Variants in BANK1 observed in about 807,000 individuals in gnomAD.
BANK1 encodes the protein B cell scaffold protein with ankyrin repeats 1, also known as B-cell scaffold protein with ankyrin repeats.
Under a neutral mutation model 94.5 loss-of-function variants are expected in BANK1, and 95 were observed. The observed-to-expected ratio is 1.00, with a 90% CI of 0.85 to 1.19. BANK1 has a LOEUF of 1.19. Among genes scored for constraint, BANK1 ranks in the 50% most tolerant of loss-of-function variants. BANK1 has a pLI of 0.00. For synonymous variants in BANK1, 334 were observed against 308.4 expected (o/e 1.08, Z -0.87); for missense variants, 987 against 932.2 (o/e 1.06, Z -0.77).
intron 7 of BANK1, among the ~76,000 whole-genome samples, chr4:102,010,928 G>A (rs912785187): frequency 1.3e-5 from 2 of 152,142 alleles, no homozygotes; most frequent in Non-Finnish European, 2.9e-5. Context: ...AGTAGAGTAT[G>A]ATAAGAAACT....
At chr4:102,007,122 TTA>T (rs199665393) in intron 7 of BANK1, among the ~76,000 whole-genome samples, 50,731 of 86,524 alleles carry the variant, frequency 0.59, 14,513 homozygotes, top group Non-Finnish European at 0.66. Context: ...AATATATATT[TTA>T]TATATATATA....
chr4:102,026,432 G>T (rs1476802878), intron 9 of BANK1, among the ~76,000 whole-genome samples: 1 of 151,716 alleles, frequency 6.6e-6, no homozygotes, highest in African/African-American at 2.4e-5. Context: ...GTCCTAGAAG[G>T]CTACAAACCC....
Position 101,790,858 on chromosome 4 carries a change from G to C in BANK1, c.-23G>C. ...GCGCTCGGCGGGCAGCAGTGCGCAG[G>C]CCCCTCGGCTTCAACCGCCACAATG... On this transcript the variant is annotated 5_prime_UTR_variant, in exon 1 of 17. Transcript: ENST00000322953. The C allele has an allele frequency of 6.5e-7, 1 of 1,536,110 alleles. No homozygotes were observed. Among genetic ancestry groups the C allele is most frequent in the East Asian group, 2.5e-5 (1 of 40,732 alleles).
At chr4:101,923,345 T>G (rs2148902237) in intron 7 of BANK1, among the ~76,000 whole-genome samples, 1 of 151,916 alleles carries the variant, frequency 6.6e-6, no homozygotes, top group East Asian at 1.9e-4. Context: ...TTGTATTGTT[T>G]AAAGACTATA....
intron 1 of BANK1, among the ~76,000 whole-genome samples, chr4:101,822,685 C>T (rs1161807588): frequency 2.0e-5 from 3 of 151,388 alleles, no homozygotes; most frequent in Non-Finnish European, 4.4e-5. Context: ...GTGCAATCTC[C>T]CTTCACTTCA....
intron 2 of BANK1, among the ~76,000 whole-genome samples, chr4:101,851,448 A>G (rs1324892777): frequency 6.6e-6 from 1 of 152,242 alleles, no homozygotes; most frequent in Non-Finnish European, 1.5e-5. Context: ...AACTGTATGC[A>G]CTAGAGATAT....
At chr4:102,039,482 T>G (rs1434288037) in intron 10 of BANK1, among the ~76,000 whole-genome samples, 1 of 152,116 alleles carries the variant, frequency 6.6e-6, no homozygotes, top group Non-Finnish European at 1.5e-5. Flanking sequence ...GCTTGTTTGT[T>G]TGTTTTTTAC....
At chr4:102,046,138 G>A (rs914990321) in intron 11 of BANK1, among the ~76,000 whole-genome samples, 34 of 151,332 alleles carry the variant, frequency 2.2e-4, no homozygotes, top group East Asian at 1.4e-3. Context: ...AAATAACGCC[G>A]CATATCTACA....
chr4:102,046,314 ATCTTAC>A (rs1419407819), intron 11 of BANK1, among the ~76,000 whole-genome samples: 2 of 152,188 alleles, frequency 1.3e-5, no homozygotes, highest in African/African-American at 4.8e-5. Context: ...AAAGACATAA[ATCTTAC>A]TCTTAATCTC....
At chr4:101,898,573 G>A (rs756987737) in intron 6 of BANK1, among the ~76,000 whole-genome samples, 1 of 151,972 alleles carries the variant, frequency 6.6e-6, no homozygotes, top group African/African-American at 2.4e-5. Context: ...ATAAGGAATT[G>A]AAAAAGTATA....
chr4:101,970,744 C>A (rs1724925141), intron 7 of BANK1, among the ~76,000 whole-genome samples: 1 of 152,026 alleles, frequency 6.6e-6, no homozygotes, highest in African/African-American at 2.4e-5. Flanking sequence ...CTGTCATGCT[C>A]CCCAGATAGA....
intron 6 of BANK1, among the ~76,000 whole-genome samples, chr4:101,896,043 CT>C (rs1056962694): frequency 4.0e-5 from 6 of 151,832 alleles, no homozygotes; most frequent in Non-Finnish European, 8.8e-5. Context: ...AATATTACAT[CT>C]TGTTTCACCT....
chr4:102,017,455 G>A (rs1444123339), intron 7 of BANK1, among the ~76,000 whole-genome samples: 1 of 152,188 alleles, frequency 6.6e-6, no homozygotes, highest in East Asian at 1.9e-4. Context: ...TTCAGCACTG[G>A]GACCAGGGGT....
intron 7 of BANK1, among the ~76,000 whole-genome samples, chr4:101,991,369 GCAGGCAAGC>G (rs1725700215): frequency 6.6e-6 from 1 of 152,228 alleles, no homozygotes; most frequent in South Asian, 2.1e-4. Flanking sequence ...AATACTACTA[GCAGGCAAGC>G]CTGCTCACAC....
chr4:101,872,343 G>T (rs2216546), intron 5 of BANK1, among the ~76,000 whole-genome samples: 66,626 of 151,910 alleles, frequency 0.44, 15,446 homozygotes, highest in African/African-American at 0.59. Context: ...TGGGATTAGA[G>T]AAAACAAAAT....
At chr4:101,895,973 G>T (rs983102375) in intron 6 of BANK1, among the ~76,000 whole-genome samples, 1 of 151,824 alleles carries the variant, frequency 6.6e-6, no homozygotes, top group Non-Finnish European at 1.5e-5. Flanking sequence ...GGTCTGGACA[G>T]ATAAGTTTAT....
At chr4:101,813,460 C>T (rs148165558) in intron 1 of BANK1, among the ~76,000 whole-genome samples, 1 of 152,220 alleles carries the variant, frequency 6.6e-6, no homozygotes, top group Non-Finnish European at 1.5e-5. Context: ...TATAAAAAAG[C>T]CACTATGGTG....
intron 7 of BANK1, among the ~76,000 whole-genome samples, chr4:101,991,958 A>G (rs989486295): frequency 5.9e-5 from 9 of 152,200 alleles, no homozygotes; most frequent in African/African-American, 2.2e-4. Flanking sequence ...TTCTGCCTGA[A>G]GCCTGAGAGC....
chr4:101,815,514 C>G (rs1382255308), intron 1 of BANK1, among the ~76,000 whole-genome samples: 1 of 151,928 alleles, frequency 6.6e-6, no homozygotes, highest in Non-Finnish European at 1.5e-5. Flanking sequence ...AAATAATTTT[C>G]ACTTTTAAAT....
Sources: allele counts gnomAD v4.1 joint callset (sites outside exome capture counted in the v4.1 genomes callset), GRCh38; gene constraint gnomAD v4.1.1; transcripts MANE v1.5; gene names NCBI Gene and HGNC (gene_info 2026-07-23, HGNC 2026-07-21).